SLC4A10: variants seen among roughly 807,000 people sequenced by gnomAD.
SLC4A10 encodes sodium-driven chloride bicarbonate exchanger.
SLC4A10 carries 42 observed loss-of-function variants against 137.7 expected under a neutral mutation model. The observed-to-expected ratio is 0.30, with a 90% confidence interval of 0.24 to 0.39. The LOEUF (loss-of-function observed/expected upper bound fraction) is 0.39. Among genes scored for constraint, SLC4A10 ranks in the 10% least tolerant of loss-of-function variants. SLC4A10 has a pLI of 1.00. For synonymous variants in SLC4A10, 474 were observed against 464.1 expected (o/e 1.02, Z -0.27); for missense variants, 925 against 1,355.0 (o/e 0.68, Z 4.98).
At chr2:161,741,895 A>G (rs920941806) in intron 1 of SLC4A10, among the ~76,000 whole-genome samples, 2 of 152,118 alleles carry the variant, frequency 1.3e-5, no homozygotes, top group African/African-American at 4.8e-5. Context: ...CTGTTGTGTT[A>G]TCAAATACCA....
intron 3 of SLC4A10, among the ~76,000 whole-genome samples, chr2:161,828,808 A>ATATATATATGTG (rs1221709021): frequency 4.1e-5 from 5 of 122,530 alleles, no homozygotes; most frequent in African/African-American, 6.2e-5. Flanking sequence ...ATATATATAT[A>ATATATATATGTG]TGTATAATCT....
intron 2 of SLC4A10, among the ~76,000 whole-genome samples, chr2:161,794,823 G>T (rs1352692561): frequency 1.3e-5 from 2 of 152,032 alleles, no homozygotes; most frequent in Non-Finnish European, 2.9e-5. Context: ...TACCACTGAG[G>T]TGTTTTCCCT....
intron 15 of SLC4A10, among the ~76,000 whole-genome samples, chr2:161,914,081 A>G (rs768009956): frequency 3.6e-4 from 55 of 152,306 alleles, no homozygotes; most frequent in Non-Finnish European, 7.4e-4. Flanking sequence ...ATAAATTAAT[A>G]TGTTAATCAC....
At chr2:161,905,517 T>A (rs1474896291) in intron 14 of SLC4A10, 125 bp from the exon 15 acceptor site, 16 of 1,320,110 alleles carry the variant, frequency 1.2e-5, no homozygotes, top group Non-Finnish European at 1.5e-5. Flanking sequence ...TGAGTTTAGA[T>A]ACTCATGGGA....
At chr2:161,896,779 C>G (rs1189961003) in intron 11 of SLC4A10, among the ~76,000 whole-genome samples, 2 of 152,066 alleles carry the variant, frequency 1.3e-5, no homozygotes. Flanking sequence ...CTTAGTACTA[C>G]CTAACACACA....
chr2:161,864,560 AG>A (rs2060624066), intron 6 of SLC4A10, among the ~76,000 whole-genome samples: 1 of 152,152 alleles, frequency 6.6e-6, no homozygotes, highest in African/African-American at 2.4e-5. Context: ...GTTGATTTTT[AG>A]GGCTTTTCAA....
chr2:161,689,426 A>G (rs1198460555), intron 1 of SLC4A10, among the ~76,000 whole-genome samples: 2 of 152,192 alleles, frequency 1.3e-5, no homozygotes, highest in African/African-American at 2.4e-5. Context: ...AATACTTACC[A>G]TTGTATTACA....
At chr2:161,699,504 A>T (rs1186497233) in intron 1 of SLC4A10, among the ~76,000 whole-genome samples, 1 of 152,218 alleles carries the variant, frequency 6.6e-6, no homozygotes, top group East Asian at 1.9e-4. Flanking sequence ...TTCACAGCAT[A>T]GTTTAAGCAT....
chr2:161,745,552 G>C (rs2048307367), intron 1 of SLC4A10, among the ~76,000 whole-genome samples: 1 of 151,984 alleles, frequency 6.6e-6, no homozygotes, highest in South Asian at 2.1e-4. Flanking sequence ...TGTCACTCTG[G>C]AATTGGTCAC....
At chr2:161,735,445 TTATC>T (rs527334926) in intron 1 of SLC4A10, among the ~76,000 whole-genome samples, 100 of 152,302 alleles carry the variant, frequency 6.6e-4, no homozygotes, top group Middle Eastern at 3.4e-3. Context: ...CATTTCATGA[TTATC>T]TATTACTTAA....
chr2:161,900,043 TAA>T (rs1682697686), intron 11 of SLC4A10, among the ~76,000 whole-genome samples: 1 of 152,144 alleles, frequency 6.6e-6, no homozygotes, highest in South Asian at 2.1e-4. Flanking sequence ...GGTGGTCAAG[TAA>T]AAATCATAAT....
chr2:161,794,812 AT>A (rs1371962754), intron 2 of SLC4A10, among the ~76,000 whole-genome samples: 5 of 152,112 alleles, frequency 3.3e-5, no homozygotes, highest in Non-Finnish European at 2.9e-5. Context: ...GGCCAATTTT[AT>A]ACCACTGAGG....
At chr2:161,908,522 C>T (rs962855729) in intron 15 of SLC4A10, among the ~76,000 whole-genome samples, 1 of 149,290 alleles carries the variant, frequency 6.7e-6, no homozygotes, top group Non-Finnish European at 1.5e-5. Flanking sequence ...ACCAACATGG[C>T]ACATGTATAC....
chr2:161,975,650 G>A (rs1213205296), intron 24 of SLC4A10, among the ~76,000 whole-genome samples: 1 of 152,150 alleles, frequency 6.6e-6, no homozygotes, highest in African/African-American at 2.4e-5. Flanking sequence ...GGCAAGAGAG[G>A]GAGACCCAAG....
chr2:161,744,314 G>A (rs1467818993), intron 1 of SLC4A10, among the ~76,000 whole-genome samples: 1 of 151,844 alleles, frequency 6.6e-6, no homozygotes, highest in African/African-American at 2.4e-5. Flanking sequence ...TCTATACCCA[G>A]GTTTTTTGAG....
intron 1 of SLC4A10, among the ~76,000 whole-genome samples, chr2:161,675,435 T>C (rs2040181533): frequency 6.6e-6 from 1 of 152,202 alleles, no homozygotes; most frequent in Non-Finnish European, 1.5e-5. Context: ...GGTAGCATTT[T>C]TCAAATAATA....
At chr2:161,900,855 A>G in intron 11 of SLC4A10, 56 bp from the exon 12 acceptor site, 1 of 1,213,298 alleles carries the variant, frequency 8.2e-7, no homozygotes, top group Non-Finnish European at 1.1e-6. Context: ...TATTATTTAC[A>G]ATTAACACCT....
chr2:161,733,190 G>A (rs1038927288), intron 1 of SLC4A10, among the ~76,000 whole-genome samples: 26 of 152,140 alleles, frequency 1.7e-4, no homozygotes, highest in African/African-American at 6.3e-4. Flanking sequence ...TATCTCCAGG[G>A]CATGTCAGAG....
intron 2 of SLC4A10, among the ~76,000 whole-genome samples, chr2:161,774,953 G>A (rs1250586933): frequency 6.6e-6 from 1 of 151,868 alleles, no homozygotes; most frequent in Non-Finnish European, 1.5e-5. Flanking sequence ...TAGTTGGCAG[G>A]AGCACCACAT....
Sources: gnomAD v4.1 joint callset for allele counts (sites outside exome capture counted in the v4.1 genomes callset) on GRCh38, gnomAD v4.1.1 for gene constraint, MANE v1.5 for transcripts, NCBI Gene and HGNC (gene_info 2026-07-23, HGNC 2026-07-21) for gene names.